The following GCNT2 variants were observed in gnomAD, a reference collection of about 807,000 sequenced individuals.
The protein encoded by GCNT2 is N-acetyllactosaminide beta-1,6-N-acetylglucosaminyl-transferase.
GCNT2 carries 34 observed loss-of-function variants against 34.2 expected under a neutral mutation model. That is an observed-to-expected ratio of 1.00 (90% CI 0.76 to 1.32). The LOEUF is 1.32. Ranked by LOEUF, GCNT2 falls within the 40% of genes most tolerant of loss-of-function variation. The pLI is 0.00. For missense variants in GCNT2, 584 were observed against 489.4 expected (o/e 1.19, Z -1.82); for synonymous variants, 212 against 188.0 (o/e 1.13, Z -1.04).
chr6:10,629,227 T>G lies in GCNT2; in HGVS notation c.*2620T>G, dbSNP rs1248808566. 4 of 152,766 alleles carry G rather than the reference T, an allele frequency of 2.6e-5. No homozygotes were observed. In the East Asian group the frequency reaches 7.7e-4, roughly 29 times the overall value. 9.5% of individuals were successfully genotyped at this position (152,766 alleles called of 1,614,324 possible). A position where few individuals can be genotyped will look rare whatever the true frequency, so the allele number is the denominator to read the frequency against. ...CATCTCTCCTGTGTCTTAAATACTT[T>G]AATGTTGGAAGAGCATAGTGTTTGG... is the stretch of plus-strand genomic sequence containing the variant. On this transcript the variant is annotated 3_prime_UTR_variant, in exon 5 of 5. Coordinates refer to ENST00000495262, the MANE Select transcript of GCNT2 (RefSeq NM_145649.5).
chr6:10,544,134 C>T (rs968503894), intron 3 of GCNT2, among the ~76,000 whole-genome samples: 8 of 151,088 alleles, frequency 5.3e-5, no homozygotes, highest in Admixed American at 1.3e-4. Context: ...GCCAATATGG[C>T]GAAACCCCGT....
chr6:10,593,595 T>C (rs34608323), intron 3 of GCNT2, among the ~76,000 whole-genome samples: 17,278 of 152,192 alleles, frequency 0.11, 1,150 homozygotes, highest in Middle Eastern at 0.17. Context: ...CTCAGCCTCC[T>C]ACAAGTGCTG....
At chr6:10,592,545 A>C (rs1764694691) in intron 3 of GCNT2, among the ~76,000 whole-genome samples, 1 of 152,172 alleles carries the variant, frequency 6.6e-6, no homozygotes, top group Non-Finnish European at 1.5e-5. Flanking sequence ...TTTACACAGT[A>C]AATTATGCTG....
chr6:10,616,327 G>A (rs1047198571), intron 3 of GCNT2, among the ~76,000 whole-genome samples: 5 of 150,850 alleles, frequency 3.3e-5, no homozygotes, highest in Non-Finnish European at 7.4e-5. Context: ...ACAGTAAGCA[G>A]TACAAAGATT....
chr6:10,623,720 T>C (rs1766145126), intron 4 of GCNT2, among the ~76,000 whole-genome samples: 1 of 152,220 alleles, frequency 6.6e-6, no homozygotes. Context: ...TTTTACTGTC[T>C]TTCTTCCCAG....
intron 3 of GCNT2, among the ~76,000 whole-genome samples, chr6:10,558,992 T>C (rs1036789243): frequency 2.6e-5 from 4 of 152,176 alleles, no homozygotes; most frequent in Non-Finnish European, 4.4e-5. Flanking sequence ...TTCATAAAAG[T>C]TGGGTCCCAG....
chr6:10,599,290 G>A (rs566091574), intron 3 of GCNT2, among the ~76,000 whole-genome samples: 1 of 152,268 alleles, frequency 6.6e-6, no homozygotes, highest in South Asian at 2.1e-4. Context: ...AGGAAACACA[G>A]GGAGCCAACA....
rs997316946 is a variant in GCNT2, at chr6:10,573,202, C to T, written c.925+43366C>T. 9 of 983,142 alleles carry T rather than the reference C, an allele frequency of 9.2e-6. No individual in the cohort carries two copies. In the African/African-American group the frequency reaches 1.6e-4, roughly 17 times the overall value. The allele number at this position is 983,142 out of a possible 1,614,324, so 60.9% of individuals were successfully genotyped here. A position where few individuals can be genotyped will look rare whatever the true frequency, so the allele number is the denominator to read the frequency against. On this transcript the variant is annotated intron_variant, in intron 3 of 4. Transcript: ENST00000495262. ...CAGCAGCTGGATTGTCAAATAGTGT[C>T]TCTTGGAACTTCTCAACTTCTTTTT... is the stretch of plus-strand genomic sequence containing the variant.
intron 3 of GCNT2, among the ~76,000 whole-genome samples, chr6:10,578,543 T>C (rs1416913082): frequency 7.0e-6 from 1 of 143,350 alleles, no homozygotes; most frequent in African/African-American, 2.7e-5. Context: ...GCCTCCTGGG[T>C]TCATGCCATT....
chr6:10,525,677 T>A (rs1388787358), intron 1 of GCNT2, among the ~76,000 whole-genome samples: 1 of 152,236 alleles, frequency 6.6e-6, no homozygotes, highest in Non-Finnish European at 1.5e-5. Flanking sequence ...TCAAAGATAC[T>A]ATTTTACAGA....
rs1766349224 is a variant in GCNT2 at position 10,628,251 on chromosome 6, T to C, written c.*1644T>C. 1 of 152,672 alleles carries C rather than the reference T, an allele frequency of 6.5e-6. No homozygotes were observed. The highest frequency in any genetic ancestry group is 1.5e-5 in the Non-Finnish European group (1 of 68,032). 9.5% of individuals were successfully genotyped at this position (152,672 alleles called of 1,614,324 possible). ...GTCTACTTTAGTATTCCTGTAATAC[T>C]AAACCGTTGAGTTTCTAAATATTTA... On this transcript the variant is annotated 3_prime_UTR_variant, in exon 5 of 5. Coordinates refer to ENST00000495262, the MANE Select transcript of GCNT2 (RefSeq NM_145649.5).
intron 4 of GCNT2, among the ~76,000 whole-genome samples, chr6:10,622,692 G>A (rs1400968723): frequency 6.7e-6 from 1 of 148,432 alleles, no homozygotes; most frequent in Non-Finnish European, 1.5e-5. Flanking sequence ...ATGGTGGTTT[G>A]GCCTTTTCTC....
intron 3 of GCNT2, among the ~76,000 whole-genome samples, chr6:10,575,730 T>C (rs562994358): frequency 2.6e-5 from 4 of 152,278 alleles, no homozygotes; most frequent in African/African-American, 9.6e-5. Flanking sequence ...TTGCCTTAAC[T>C]GATGACATTC....
intron 3 of GCNT2, chr6:10,585,614 AACTCG>A: frequency 3.2e-6 from 1 of 312,162 alleles, no homozygotes; most frequent in South Asian, 3.8e-5. Flanking sequence ...AAGCAAGAGA[AACTCG>A]GCTCCAGTGA....
intron 3 of GCNT2, among the ~76,000 whole-genome samples, chr6:10,617,821 C>T (rs1765858226): frequency 6.8e-6 from 1 of 146,388 alleles, no homozygotes; most frequent in Non-Finnish European, 1.5e-5. Flanking sequence ...GTGCTGCAAC[C>T]TCGGCTCACT....
At chr6:10,544,945 C>T (rs907873207) in intron 3 of GCNT2, among the ~76,000 whole-genome samples, 14 of 149,074 alleles carry the variant, frequency 9.4e-5, no homozygotes, top group African/African-American at 2.8e-4. Flanking sequence ...AACTCTGTCT[C>T]AAATAAATAA....
chr6:10,578,364 CAG>C (rs1376352576), intron 3 of GCNT2, among the ~76,000 whole-genome samples: 1 of 133,552 alleles, frequency 7.5e-6, no homozygotes, highest in African/African-American at 2.9e-5. Context: ...CCCTGGGCAA[CAG>C]AGTGAGTGAG....
At chr6:10,607,246 G>A (rs1255920072) in intron 3 of GCNT2, among the ~76,000 whole-genome samples, 1 of 152,142 alleles carries the variant, frequency 6.6e-6, no homozygotes, top group African/African-American at 2.4e-5. Flanking sequence ...CAGTTCCACA[G>A]GCTGTACAGC....
chr6:10,621,254 G>T lies in GCNT2; in HGVS notation c.926-97G>T, dbSNP rs1045741153. ...TGTGAAATGCGAAAGGTAATAAACT[G>T]AAAGAAAGTAAGCCTGACTTAGAGG... On this transcript the variant is annotated intron_variant, in intron 3 of 4. Coordinates refer to ENST00000495262, the MANE Select transcript of GCNT2 (RefSeq NM_145649.5). 7 of 796,660 alleles carry T rather than the reference G, an allele frequency of 8.8e-6. No individual in the cohort carries two copies. The African/African-American group carries it at 1.2e-4, about 14-fold the overall frequency. The allele number at this position is 796,660 out of a possible 1,614,324, so 49.3% of individuals were successfully genotyped here.
Sources: allele counts gnomAD v4.1 joint callset (sites outside exome capture counted in the v4.1 genomes callset), GRCh38; gene constraint gnomAD v4.1.1; transcripts MANE v1.5; gene names NCBI Gene and HGNC (gene_info 2026-07-23, HGNC 2026-07-21).